Variants in GSG1L observed in about 807,000 individuals in gnomAD.
GSG1L encodes germ cell-specific gene 1-like protein.
Under a neutral mutation model 42.1 loss-of-function variants are expected in GSG1L, and 24 were observed. The observed-to-expected ratio is 0.57, with a 90% CI of 0.41 to 0.80. The LOEUF is 0.80. Ranked by LOEUF, GSG1L falls within the 30% of genes least tolerant of loss-of-function variation. The pLI is 0.00. For missense variants in GSG1L, 445 were observed against 472.2 expected (o/e 0.94, Z 0.53); for synonymous variants, 215 against 203.5 (o/e 1.06, Z -0.48).
intron 6 of GSG1L, among the ~76,000 whole-genome samples, chr16:27,794,356 A>G (rs1331579120): frequency 6.8e-6 from 1 of 146,770 alleles, no homozygotes; most frequent in East Asian, 2.0e-4. Flanking sequence ...TTTGAAACGG[A>G]GTCTCGCTCT....
intron 1 of GSG1L, among the ~76,000 whole-genome samples, chr16:27,966,968 G>A (rs969097323): frequency 7.2e-5 from 11 of 152,046 alleles, no homozygotes; most frequent in African/African-American, 1.2e-4. Flanking sequence ...AGTCCCCACC[G>A]CCCACTACTG....
chr16:28,008,120 C>T (rs2141152291), intron 1 of GSG1L, among the ~76,000 whole-genome samples: 1 of 152,144 alleles, frequency 6.6e-6, no homozygotes, highest in East Asian at 1.9e-4. Context: ...TCTCTTGTCA[C>T]CCAGGCTGGA....
intron 5 of GSG1L, among the ~76,000 whole-genome samples, chr16:27,807,972 C>G (rs769656047): frequency 2.0e-5 from 3 of 152,214 alleles, no homozygotes; most frequent in African/African-American, 4.8e-5. Flanking sequence ...AAAAAGTTAA[C>G]GGTGATTATC....
intron 5 of GSG1L, among the ~76,000 whole-genome samples, chr16:27,814,688 G>GAA (rs750992732): frequency 2.7e-4 from 25 of 94,314 alleles, no homozygotes; most frequent in African/African-American, 8.2e-4. Context: ...CCGTCTCAAG[G>GAA]AAAAAAAAAA....
chr16:27,837,639 T>C (rs569031308), intron 4 of GSG1L, among the ~76,000 whole-genome samples: 18 of 152,314 alleles, frequency 1.2e-4, no homozygotes, highest in Admixed American at 1.0e-3. Context: ...AAGGGGCACC[T>C]TGTTACTGCC....
chr16:27,913,576 G>A (rs1236918467), intron 2 of GSG1L, among the ~76,000 whole-genome samples: 1 of 152,180 alleles, frequency 6.6e-6, no homozygotes, highest in Admixed American at 6.5e-5. Context: ...AATTTGCCAT[G>A]CCTCCTGTTT....
At chr16:27,997,787 A>G (rs745634204) in intron 1 of GSG1L, among the ~76,000 whole-genome samples, 1 of 150,014 alleles carries the variant, frequency 6.7e-6, no homozygotes, top group Non-Finnish European at 1.5e-5. Context: ...TAGTGCCCCC[A>G]TTACCCAAGC....
intron 5 of GSG1L, among the ~76,000 whole-genome samples, chr16:27,823,419 T>C (rs759231736): frequency 2.6e-5 from 4 of 152,140 alleles, no homozygotes; most frequent in African/African-American, 7.2e-5. Context: ...TCCTCAGCCA[T>C]GCAGTCGGCT....
At chr16:27,913,675 C>T (rs1378935294) in intron 2 of GSG1L, among the ~76,000 whole-genome samples, 1 of 152,140 alleles carries the variant, frequency 6.6e-6, no homozygotes, top group South Asian at 2.1e-4. Context: ...TCTATGGCTG[C>T]TTTCATATAA....
At position 27,939,122 on chromosome 16, in the gene GSG1L, AT is replaced by A. The variant is rs925986435; in HGVS notation, c.397+24033del. 1.7e-3 allele frequency among the ~76,000 whole-genome samples: 253 copies of A among 148,076 alleles called. 3 individuals are homozygous for A. Among genetic ancestry groups the A allele is most frequent in the South Asian group, 1.7e-3 (8 of 4,644 alleles). On this transcript the variant is annotated intron_variant, in intron 2 of 6. Transcript: ENST00000447459. ...CAAGGGTAGCAAACATTCCAGCTGA[AT>A]TTTTTTTTTTCTTTTTGAGACAGGG...
chr16:27,996,160 C>T (rs2085512613), intron 1 of GSG1L, among the ~76,000 whole-genome samples: 2 of 152,154 alleles, frequency 1.3e-5, no homozygotes, highest in Admixed American at 6.5e-5. Flanking sequence ...ATTGCCTCAG[C>T]CTCTCCTCTG....
intron 1 of GSG1L, among the ~76,000 whole-genome samples, chr16:28,020,290 T>A (rs2085827169): frequency 6.6e-6 from 1 of 152,186 alleles, no homozygotes; most frequent in Admixed American, 6.6e-5. Context: ...TCCAAAGCGC[T>A]GCTATTCATG....
rs1597451705 is a variant in GSG1L, at chr16:27,789,834, ATGG to A, written c.*1533_*1535del. On this transcript the variant is annotated 3_prime_UTR_variant, in exon 7 of 7. Coordinates refer to ENST00000447459, the MANE Select transcript of GSG1L (RefSeq NM_001109763.2). ...GATGGATGGATGGATGGGTGGATGG[ATGG>A]ATGAAGGATGGATGGATGGATGATG... 1 of 151,246 alleles carries A rather than the reference ATGG, an allele frequency of 6.6e-6. No individual in the cohort carries two copies. The highest frequency in any genetic ancestry group is 2.0e-4 in the East Asian group (1 of 5,090). The allele number at this position is 151,246 out of a possible 1,614,324, so 9.4% of individuals were successfully genotyped here.
rs1567505915 is a variant in GSG1L at position 27,888,491 on chromosome 16, CT to C, written c.398-3854del. ...CTCTCTCTCTCTCTTTCCTTTCTTT[CT>C]TTCTTTCTTTCTTTCTTTCTTTCTT... On this transcript the variant is annotated intron_variant, in intron 2 of 6. Coordinates refer to ENST00000447459, the MANE Select transcript of GSG1L (RefSeq NM_001109763.2). 4.8e-3 allele frequency among the ~76,000 whole-genome samples: 29 copies of C among 5,988 alleles called. 1 individual carries two copies. Among genetic ancestry groups the C allele is most frequent in the Admixed American group, 8.5e-3 (3 of 352 alleles). 3.9% of individuals were successfully genotyped at this position (5,988 alleles called of 152,430 possible).
chr16:27,918,660 A>C (rs1421225970), intron 2 of GSG1L, among the ~76,000 whole-genome samples: 2 of 89,970 alleles, frequency 2.2e-5, no homozygotes, highest in Non-Finnish European at 5.0e-5. Context: ...CTCCATCTCA[A>C]AAAAAAGAAA....
chr16:27,907,724 C>T (rs893485364), intron 2 of GSG1L, among the ~76,000 whole-genome samples: 5 of 152,242 alleles, frequency 3.3e-5, no homozygotes, highest in Admixed American at 2.6e-4. Context: ...TCTGTGACAT[C>T]TGTGTAACAG....
At chr16:27,841,393 C>T (rs2083380051) in intron 4 of GSG1L, among the ~76,000 whole-genome samples, 1 of 152,224 alleles carries the variant, frequency 6.6e-6, no homozygotes, top group Non-Finnish European at 1.5e-5. Context: ...AGGTGTCCCT[C>T]TAAGAAACCG....
intron 1 of GSG1L, among the ~76,000 whole-genome samples, chr16:28,043,568 A>G (rs1036619286): frequency 6.6e-6 from 1 of 152,216 alleles, no homozygotes; most frequent in Admixed American, 6.5e-5. Flanking sequence ...GATAGCCTGG[A>G]TGGATGGTAT....
At chr16:27,904,243 A>G (rs968645891) in intron 2 of GSG1L, among the ~76,000 whole-genome samples, 1 of 151,564 alleles carries the variant, frequency 6.6e-6, no homozygotes, top group African/African-American at 2.4e-5. Context: ...CTAATTTTTA[A>G]TTTTTTTGTA....
Sources: allele counts gnomAD v4.1 joint callset (sites outside exome capture counted in the v4.1 genomes callset), GRCh38; gene constraint gnomAD v4.1.1; transcripts MANE v1.5; gene names NCBI Gene and HGNC (gene_info 2026-07-23, HGNC 2026-07-21).